UGT2B4: variants seen among roughly 807,000 people sequenced by gnomAD.
The protein encoded by UGT2B4 is UDP-glucuronosyltransferase 2B4.
Under a neutral mutation model 49.8 loss-of-function variants are expected in UGT2B4, and 49 were observed. That is an observed-to-expected ratio of 0.98 (90% CI 0.78 to 1.25). UGT2B4 has a LOEUF of 1.25. Among genes scored for constraint, UGT2B4 ranks in the 50% most tolerant of loss-of-function variants. UGT2B4 has a pLI of 0.00. For missense variants in UGT2B4, 729 were observed against 627.7 expected (o/e 1.16, Z -1.73); for synonymous variants, 246 against 217.7 (o/e 1.13, Z -1.14).
upstream of UGT2B4, among the ~76,000 whole-genome samples, chr4:69,497,381 G>T (rs111699463): frequency 5.9e-5 from 9 of 152,300 alleles, 1 homozygote; most frequent in African/African-American, 2.2e-4. Context: ...CCTTGAGGAG[G>T]TAAGTTTGAG....
At chr4:69,525,321 A>G (rs1274905013) in intron 1 of UGT2B4, among the ~76,000 whole-genome samples, 4 of 152,188 alleles carry the variant, frequency 2.6e-5, no homozygotes, top group South Asian at 2.1e-4. Flanking sequence ...TGTGAAGAAC[A>G]GAGATTAAAT....
In UGT2B4 at chr4:69,485,235, G is replaced by A. The variant is rs1480307918; in HGVS notation, c.1283C>T (p.Ala428Val). The change falls in exon 5 of 6, where the codon GCA becomes GTA. Residue 428 changes from alanine (A) to valine (V), a missense_variant. Physicochemically the swap from Ala to Val is moderately conservative, Grantham distance 64. Coordinates refer to ENST00000305107, the MANE Select transcript of UGT2B4 (RefSeq NM_021139.3). ...AGGATCATTAATTACTGTCTTCAGT[G>A]CATTGAGTAAGTCTGTACTCGACAT... Reference protein sequence around the residue: ...HTMSSTDLLNALKTVINDPLY... With the variant: ...HTMSSTDLLNVLKTVINDPLY... 1 of 1,613,866 alleles carries A rather than the reference G, an allele frequency of 6.2e-7. No individual in the cohort carries two copies. The highest frequency in any genetic ancestry group is 8.5e-7 in the Non-Finnish European group (1 of 1,179,906).
rs964755674 is a variant in UGT2B4 at position 69,495,775 on chromosome 4, C to T, written c.87G>A (p.Trp29Ter). 1 of 1,613,940 alleles carries T rather than the reference C, an allele frequency of 6.2e-7. No homozygotes were observed. Among genetic ancestry groups the T allele is most frequent in the African/African-American group, 1.3e-5 (1 of 75,010 alleles). Residue 29 changes from tryptophan (W) to a stop codon, truncating the protein, a stop_gained, in exon 1 of 6, where the codon TGG (tryptophan) becomes TGA (stop). Transcript: ENST00000305107. LOFTEE classifies it high-confidence loss of function. ...SSGSCGKVLV[W>*]PTEFSHWMNI... is the part of the protein sequence containing the mutation. ...TCATCCAGTGGCTGAATTCTGTGGG[C>T]CACACCAGCACCTTTCCACAACTCC...
chr4:69,511,973 C>G (rs764118707), intron 1 of UGT2B4, among the ~76,000 whole-genome samples: 85 of 151,756 alleles, frequency 5.6e-4, no homozygotes, highest in Non-Finnish European at 1.0e-3. Context: ...CTCTTATAAT[C>G]TTTTCTATTC....
intron 1 of UGT2B4, among the ~76,000 whole-genome samples, chr4:69,510,405 A>G (rs976654165): frequency 2.0e-5 from 3 of 152,122 alleles, no homozygotes; most frequent in African/African-American, 4.8e-5. Flanking sequence ...AAAAAATGTC[A>G]TGGGTCTTTT....
chr4:69,484,682 A>G (rs942012937), intron 5 of UGT2B4, among the ~76,000 whole-genome samples: 1 of 152,168 alleles, frequency 6.6e-6, no homozygotes, highest in African/African-American at 2.4e-5. Context: ...GTTGATACAA[A>G]TGTTCTAAAA....
At chr4:69,482,216 G>C (rs905860353) in intron 5 of UGT2B4, among the ~76,000 whole-genome samples, 4 of 152,176 alleles carry the variant, frequency 2.6e-5, no homozygotes, top group Non-Finnish European at 5.9e-5. Context: ...ACCAATAAGA[G>C]AGGCTTTTCC....
chr4:69,520,079 C>A (rs1370658086), intron 1 of UGT2B4, among the ~76,000 whole-genome samples: 1 of 152,040 alleles, frequency 6.6e-6, no homozygotes, highest in Non-Finnish European at 1.5e-5. Context: ...TATTTCCTAT[C>A]AAAAACACAC....
chr4:69,524,935 G>C (rs1045800639), intron 1 of UGT2B4, among the ~76,000 whole-genome samples: 1 of 152,266 alleles, frequency 6.6e-6, no homozygotes, highest in African/African-American at 2.4e-5. Context: ...CTAACGGAAA[G>C]AATTCACAGT....
chr4:69,485,202 A>G lies in UGT2B4; in HGVS notation c.1310+6T>C. Reference sequence around the variant, plus strand: ...GACCACCGAGTAAAAAAAAAGTTATACTCACAAAGGATCATTAATTACTGT... The same window carrying G: ...GACCACCGAGTAAAAAAAAAGTTATGCTCACAAAGGATCATTAATTACTGT... On this transcript the variant is annotated splice_donor_region_variant and intron_variant, in intron 5 of 5. Coordinates refer to ENST00000305107, the MANE Select transcript of UGT2B4 (RefSeq NM_021139.3). 6.2e-7 allele frequency: 1 copy of G among 1,613,916 alleles called. No homozygotes were observed. Among genetic ancestry groups the G allele is most frequent in the South Asian group, 1.1e-5 (1 of 91,070 alleles).
At chr4:69,494,046 G>C (rs993070079) in intron 1 of UGT2B4, among the ~76,000 whole-genome samples, 1 of 151,972 alleles carries the variant, frequency 6.6e-6, no homozygotes, top group East Asian at 1.9e-4. Flanking sequence ...AAGGCAAAGT[G>C]GTGAGAGAAT....
intron 1 of UGT2B4, among the ~76,000 whole-genome samples, chr4:69,514,422 T>A (rs141520221): frequency 2.1e-3 from 317 of 152,290 alleles, no homozygotes; most frequent in African/African-American, 7.3e-3. Flanking sequence ...ATATGTGACT[T>A]CCTCTCTTCC....
upstream of UGT2B4, among the ~76,000 whole-genome samples, chr4:69,498,265 G>A (rs1728215943): frequency 6.6e-6 from 1 of 152,152 alleles, no homozygotes; most frequent in African/African-American, 2.4e-5. Context: ...TCTTGTGTTA[G>A]CAAAATCACT....
chr4:69,507,730 A>T (rs1001751379), intron 1 of UGT2B4, among the ~76,000 whole-genome samples: 1 of 152,196 alleles, frequency 6.6e-6, no homozygotes, highest in East Asian at 1.9e-4. Context: ...AAAGACTTAA[A>T]TGTAAAACCC....
intron 4 of UGT2B4, 171 bp downstream of exon 4, chr4:69,486,438 A>G: frequency 2.6e-6 from 1 of 386,000 alleles, no homozygotes; most frequent in Non-Finnish European, 4.3e-6. Flanking sequence ...ATATCATAAA[A>G]TGCCAACAAT....
At chr4:69,494,426 A>G (rs566367566) in intron 1 of UGT2B4, among the ~76,000 whole-genome samples, 9 of 152,254 alleles carry the variant, frequency 5.9e-5, no homozygotes, top group Non-Finnish European at 1.2e-4. Flanking sequence ...AATTTTGAGA[A>G]CTTGTTGAAA....
At chr4:69,511,109 A>C (rs1316224687) in intron 1 of UGT2B4, among the ~76,000 whole-genome samples, 2 of 148,928 alleles carry the variant, frequency 1.3e-5, no homozygotes, top group Non-Finnish European at 3.0e-5. Flanking sequence ...CTCCTACCCT[A>C]CCCTCCCGAG....
chr4:69,495,898 T>C lies in UGT2B4; in HGVS notation c.-37A>G. ...GCAATGCTTGTTTTCCAGTTGCTGC[T>C]CCTTTCTGTCATTTCTCATGGTGAC... On this transcript the variant is annotated 5_prime_UTR_variant, in exon 1 of 6. Coordinates refer to ENST00000305107, the MANE Select transcript of UGT2B4 (RefSeq NM_021139.3). The C allele has an allele frequency of 5.8e-6, 9 of 1,541,142 alleles. No individual in the cohort carries two copies. The highest frequency in any genetic ancestry group is 7.8e-6 in the Non-Finnish European group (9 of 1,148,242).
chr4:69,508,346 A>T (rs79014211), intron 1 of UGT2B4, among the ~76,000 whole-genome samples: 1 of 152,196 alleles, frequency 6.6e-6, no homozygotes, highest in Non-Finnish European at 1.5e-5. Flanking sequence ...CAATCCCATT[A>T]CTAAGTATAC....
Sources: allele counts gnomAD v4.1 joint callset (sites outside exome capture counted in the v4.1 genomes callset), GRCh38; gene constraint gnomAD v4.1.1; transcripts MANE v1.5; gene names NCBI Gene and HGNC (gene_info 2026-07-23, HGNC 2026-07-21).